The following SLC14A2 variants were observed in gnomAD, a reference collection of about 807,000 sequenced individuals.
SLC14A2 encodes the protein urea transporter 2.
Under a neutral mutation model 104.6 loss-of-function variants are expected in SLC14A2, and 91 were observed. That is an observed-to-expected ratio of 0.87 (90% CI 0.73 to 1.04). The LOEUF (loss-of-function observed/expected upper bound fraction) is 1.04. Ranked by LOEUF, SLC14A2 falls within the 50% of genes least tolerant of loss-of-function variation. The pLI is 0.00. For synonymous variants in SLC14A2, 476 were observed against 466.4 expected (o/e 1.02, Z -0.27); for missense variants, 1,189 against 1,156.0 (o/e 1.03, Z -0.41).
At chr18:45,675,902 G>A (rs1166163342) in intron 18 of SLC14A2, among the ~76,000 whole-genome samples, 21 of 151,688 alleles carry the variant, frequency 1.4e-4, no homozygotes, top group Admixed American at 1.4e-3. Context: ...CCATTGATAG[G>A]CAACCAGGAG....
At position 45,474,583 on chromosome 18, in the gene SLC14A2, A is replaced by G. The variant is rs1399060130; in HGVS notation, c.-124-8650A>G. Reference sequence around the variant, plus strand: ...TGTTGTTGGTCTATTCAGGGATTCAACTTCTTCCTGGTTTAGTCTTGGGAG... The same window carrying G: ...TGTTGTTGGTCTATTCAGGGATTCAGCTTCTTCCTGGTTTAGTCTTGGGAG... On this transcript the variant is annotated intron_variant, in intron 1 of 20. Transcript: ENST00000586448. 3.9e-5 allele frequency among the ~76,000 whole-genome samples: 6 copies of G among 152,268 alleles called. No homozygotes were observed. In the South Asian group the frequency reaches 6.2e-4, roughly 16 times the overall value.
chr18:45,430,621 G>A (rs942807430), intron 1 of SLC14A2, among the ~76,000 whole-genome samples: 2 of 151,692 alleles, frequency 1.3e-5, no homozygotes, highest in Non-Finnish European at 2.9e-5. Context: ...TATTTCCCAG[G>A]CTGGAGTGCA....
chr18:45,601,667 C>A (rs62090572), intron 2 of SLC14A2, among the ~76,000 whole-genome samples: 1,866 of 152,308 alleles, frequency 0.012, 22 homozygotes, highest in Non-Finnish European at 0.019. Context: ...CTGAGCCTAA[C>A]CAATGTTTTC....
intron 1 of SLC14A2, among the ~76,000 whole-genome samples, chr18:45,394,059 T>A (rs1017000890): frequency 2.6e-5 from 4 of 152,206 alleles, no homozygotes; most frequent in African/African-American, 4.8e-5. Flanking sequence ...CAACTCAGGA[T>A]TTTATTTGCC....
At chr18:45,606,752 AC>A (rs761062665) in intron 2 of SLC14A2, among the ~76,000 whole-genome samples, 7 of 15,782 alleles carry the variant, frequency 4.4e-4, no homozygotes, top group South Asian at 2.9e-3. Flanking sequence ...AAAAAACAAA[AC>A]AAAAACAAAA....
the SLC14A2 span, among the ~76,000 whole-genome samples, chr18:45,191,581 C>T: frequency 3.3e-5 from 5 of 152,174 alleles, no homozygotes; most frequent in African/African-American, 4.8e-5. Context: ...AAGTCCAGTT[C>T]GGGCTGTTTC....
At chr18:45,170,706 C>T in the SLC14A2 span, among the ~76,000 whole-genome samples, 1 of 152,160 alleles carries the variant, frequency 6.6e-6, no homozygotes, top group Non-Finnish European at 1.5e-5. Context: ...TGATCACCTG[C>T]TCTGGAACCA....
At chr18:45,273,711 T>A (rs186805663) in intron 1 of SLC14A2, among the ~76,000 whole-genome samples, 111 of 152,210 alleles carry the variant, frequency 7.3e-4, no homozygotes, top group African/African-American at 2.6e-3. Context: ...GGAGGCAAGA[T>A]GTAGGCCAAC....
At chr18:45,580,200 C>T (rs879014251) in intron 2 of SLC14A2, among the ~76,000 whole-genome samples, 1 of 152,138 alleles carries the variant, frequency 6.6e-6, no homozygotes, top group Admixed American at 6.5e-5. Flanking sequence ...AGAACCATAG[C>T]TGGGACAGTG....
At chr18:45,668,259 G>A (rs949504241) in intron 14 of SLC14A2, 90 bp from the exon 15 acceptor site, 103 of 1,539,710 alleles carry the variant, frequency 6.7e-5, no homozygotes, top group Non-Finnish European at 8.1e-5. Context: ...TGTGTAGTCA[G>A]GCCCCAGATA....
intron 1 of SLC14A2, among the ~76,000 whole-genome samples, chr18:45,287,860 C>G (rs2144158569): frequency 6.6e-6 from 1 of 152,230 alleles, no homozygotes; most frequent in East Asian, 1.9e-4. Flanking sequence ...CTTCCCCAGC[C>G]CCGCAGGACC....
chr18:45,666,331 T>G, intron 12 of SLC14A2, 112 bp downstream of exon 12: 1 of 686,126 alleles, frequency 1.5e-6, no homozygotes, highest in Non-Finnish European at 2.6e-6. Flanking sequence ...CAAACTTTTC[T>G]TGCATTCGTA....
At chr18:45,317,632 G>A (rs534363427) in intron 1 of SLC14A2, among the ~76,000 whole-genome samples, 2 of 152,112 alleles carry the variant, frequency 1.3e-5, no homozygotes, top group Admixed American at 6.5e-5. Flanking sequence ...GATGATTTCC[G>A]GTCAGAGCCC....
At chr18:45,506,966 C>G (rs1459340650) in intron 2 of SLC14A2, among the ~76,000 whole-genome samples, 3 of 152,212 alleles carry the variant, frequency 2.0e-5, no homozygotes, top group African/African-American at 7.2e-5. Context: ...GGGGATATCA[C>G]CACTCACCAG....
chr18:45,679,440 C>T (rs1215093107), intron 19 of SLC14A2, among the ~76,000 whole-genome samples: 1 of 152,202 alleles, frequency 6.6e-6, no homozygotes, highest in Non-Finnish European at 1.5e-5. Context: ...GAGTCAAACC[C>T]CAACCAGGCG....
chr18:45,634,756 T>G, intron 5 of SLC14A2: 1 of 453,740 alleles, frequency 2.2e-6, no homozygotes, highest in South Asian at 1.6e-5. Flanking sequence ...AGAAAGCAGT[T>G]AGAGAGTTTT....
At chr18:45,428,055 T>C (rs984025879) in intron 1 of SLC14A2, among the ~76,000 whole-genome samples, 4 of 152,212 alleles carry the variant, frequency 2.6e-5, no homozygotes, top group Non-Finnish European at 5.9e-5. Flanking sequence ...CTGCTTGGAC[T>C]GAAGGCCACT....
At chr18:45,579,674 C>T (rs1038744303) in intron 2 of SLC14A2, among the ~76,000 whole-genome samples, 1 of 152,212 alleles carries the variant, frequency 6.6e-6, no homozygotes, top group African/African-American at 2.4e-5. Flanking sequence ...GGCCAGACAC[C>T]AGCTGCACCA....
chr18:45,465,358 C>T (rs540291662), intron 1 of SLC14A2, among the ~76,000 whole-genome samples: 1 of 152,294 alleles, frequency 6.6e-6, no homozygotes, highest in South Asian at 2.1e-4. Flanking sequence ...GCACTGTTGG[C>T]AGTTGTGGTA....
Sources: allele counts gnomAD v4.1 joint callset (sites outside exome capture counted in the v4.1 genomes callset), GRCh38; gene constraint gnomAD v4.1.1; transcripts MANE v1.5; gene names NCBI Gene and HGNC (gene_info 2026-07-23, HGNC 2026-07-21).